Variants in RTCB observed in about 807,000 individuals in gnomAD.
RTCB encodes RNA 2',3'-cyclic phosphate and 5'-OH ligase, also known as RNA-splicing ligase RTCB.
In RTCB, 32 loss-of-function variants were observed where a neutral mutation model predicts 58.2. The observed-to-expected ratio is 0.55, with a 90% CI of 0.41 to 0.74. The LOEUF (loss-of-function observed/expected upper bound fraction) is 0.74, where lower values mean the gene tolerates loss of function less well. RTCB is among the 30% of genes least tolerant of loss of function. The pLI is 0.00. For missense variants in RTCB, 523 were observed against 639.0 expected, an observed-to-expected ratio of 0.82 and a Z score of 1.96; for synonymous variants, 247 against 218.6, an observed-to-expected ratio of 1.13 and a Z score of -1.15.
At chr22:32,408,678 T>C (rs2076044) in intron 2 of RTCB, 77 bp downstream of exon 2, 417,829 of 1,018,562 alleles carry the variant, frequency 0.41, 88,154 homozygotes, top group African/African-American at 0.53. Context: ...AGAATTATAA[T>C]TATTTGAGTT....
Position 32,401,895 on chromosome 22 carries a change from C to T in RTCB, c.349G>A (p.Gly117Arg), listed in dbSNP as rs770858359. ...CGGACACCACAGTTGATGTCAAACC[C>T]GACACCACCTACAAAATAGAGAAAA... is the stretch of plus-strand genomic sequence containing the variant. ...PEAVVSPGGV[G>R]FDINCGVRLL... is the part of the protein sequence containing the mutation. Residue 117 changes from glycine (G) to arginine (R), a missense_variant, in exon 5 of 12, where the codon GGG becomes AGG. Physicochemically the swap from Gly to Arg is moderately radical, Grantham distance 125 (BLOSUM62 -2). This residue lies in a region of RTCB where 141 missense variants were observed against 216.7 expected (regional missense o/e 0.65). Coordinates refer to ENST00000216038, the MANE Select transcript of RTCB (RefSeq NM_014306.5). 3 of 1,613,558 alleles carry T rather than the reference C, an allele frequency of 1.9e-6. No homozygotes were observed. The highest frequency in any genetic ancestry group is 3.3e-5 in the Admixed American group (2 of 59,984).
chr22:32,398,072 T>C lies in RTCB; in HGVS notation c.683A>G (p.Tyr228Cys), dbSNP rs534345258. The C allele has an allele frequency of 1.2e-6, 2 of 1,614,104 alleles. No homozygotes were observed. Among genetic ancestry groups the C allele is most frequent in the African/African-American group, 1.3e-5 (1 of 75,052 alleles). The stretch of plus-strand genomic sequence containing the variant: ...CTCATCCACAACCTGGATTTCTGCA[T>C]AATGGTTGCCTGCTCCCAGGGTCCC... ...QLGTLGAGNH[Y>C]AEIQVVDEIF... Residue 228 changes from tyrosine (Y) to cysteine (C), a missense_variant, in exon 7 of 12, where the codon TAT (tyrosine) becomes TGT (cysteine). By Grantham distance (194) the Tyr-to-Cys change is radical (BLOSUM62 -2). Transcript: ENST00000216038.
intron 2 of RTCB, 21 bp from the exon 3 acceptor site, chr22:32,408,263 T>C (rs1295413281): frequency 6.2e-7 from 1 of 1,605,132 alleles, no homozygotes; most frequent in Admixed American, 1.7e-5. Flanking sequence ...AAATTGGGTA[T>C]TAGAAAAGAC....
At chr22:32,411,966 C>G (rs938510087) in intron 1 of RTCB, 98 bp downstream of exon 1, 2 of 845,296 alleles carry the variant, frequency 2.4e-6, no homozygotes, top group East Asian at 5.4e-5. Context: ...GGGGCCGGGG[C>G]GGACCCAGTG....
At position 32,395,037 on chromosome 22, in the gene RTCB, CA is replaced by C; in HGVS notation, c.1167del (p.Val390LeufsTer30). Reference protein sequence around the residue: ...RAFPPHHPLIAVDYQLTGQPV... With the variant: ...RAFPPHHPLIXVDYQLTGQPV... The stretch of plus-strand genomic sequence containing the variant: ...GTAGAGCTACGTACTTGGTAATCAA[CA>C]GCAATGAGGGGATGGTGAGGAGGGA... On this transcript the variant is annotated frameshift_variant, in exon 9 of 12. Coordinates refer to ENST00000216038, the MANE Select transcript of RTCB (RefSeq NM_014306.5). LOFTEE classifies it high-confidence loss of function. 6.2e-7 allele frequency: 1 copy of C among 1,613,088 alleles called. No individual in the cohort carries two copies. Among genetic ancestry groups the C allele is most frequent in the East Asian group, 2.2e-5 (1 of 44,868 alleles).
rs1388704296 is a variant in RTCB, at chr22:32,399,768, G to A, written c.498-9C>T. 2 of 1,610,084 alleles carry A rather than the reference G, an allele frequency of 1.2e-6. No individual in the cohort carries two copies. The highest frequency in any genetic ancestry group is 2.7e-5 in the African/African-American group (2 of 74,792). ...AGGCCTCCTCCAAGTCTCTGGATAA[G>A]TATAAAAGGTGCTAGTCATCTCACA... On this transcript the variant is annotated splice_polypyrimidine_tract_variant and intron_variant, in intron 5 of 11. Transcript: ENST00000216038.
At chr22:32,401,425 G>C (rs1933334476) in intron 5 of RTCB, 1 of 186,722 alleles carries the variant, frequency 5.4e-6, no homozygotes, top group South Asian at 1.8e-4. Context: ...TTTCTTTCTT[G>C]TAAGTTAGGG....
intron 9 of RTCB, 42 bp downstream of exon 9, chr22:32,394,984 C>A: frequency 6.6e-7 from 1 of 1,512,138 alleles, no homozygotes; most frequent in Non-Finnish European, 9.0e-7. Flanking sequence ...CAATCTAAAT[C>A]GTGCCCCCAC....
At chr22:32,393,077 C>A (rs1933182771) in intron 10 of RTCB, among the ~76,000 whole-genome samples, 2 of 152,212 alleles carry the variant, frequency 1.3e-5, no homozygotes, top group South Asian at 4.1e-4. Context: ...GCTATGACTA[C>A]AGGTGTGCCA....
chr22:32,410,615 G>A (rs1217997426), intron 1 of RTCB, among the ~76,000 whole-genome samples: 1 of 152,180 alleles, frequency 6.6e-6, no homozygotes, highest in African/African-American at 2.4e-5. Context: ...GATAGAATGA[G>A]CAGCAGTGTG....
chr22:32,409,976 C>T (rs1239201519), intron 1 of RTCB, among the ~76,000 whole-genome samples: 1 of 152,044 alleles, frequency 6.6e-6, no homozygotes. Context: ...CGCCACCACG[C>T]CCAGCTAATT....
chr22:32,402,529 A>C (rs1314637384), intron 4 of RTCB, among the ~76,000 whole-genome samples: 1 of 152,042 alleles, frequency 6.6e-6, no homozygotes, highest in African/African-American at 2.4e-5. Context: ...GGCTCACTGC[A>C]ACCTCCGCCT....
Position 32,392,299 on chromosome 22 carries a change from T to C in RTCB, c.1351A>G (p.Lys451Glu). 1 of 1,614,154 alleles carries C rather than the reference T, an allele frequency of 6.2e-7. No homozygotes were observed. The highest frequency in any genetic ancestry group is 8.5e-7 in the Non-Finnish European group (1 of 1,179,998). ...RNLDFQDVLD[K>E]LADMGIAIRV... ...ATCGCAATTCCCATATCTGCCAATT[T>C]GTCTAAGACATCCTGGAAATCTAAA... is the stretch of plus-strand genomic sequence containing the variant. The change falls in exon 11 of 12, where the codon AAA becomes GAA. Residue 451 changes from lysine to glutamate, a missense_variant. Transcript: ENST00000216038.
At chr22:32,401,037 A>G (rs1933327323) in intron 5 of RTCB, among the ~76,000 whole-genome samples, 1 of 152,014 alleles carries the variant, frequency 6.6e-6, no homozygotes, top group African/African-American at 2.4e-5. Flanking sequence ...GATTCAGAAT[A>G]CAGCTTCTGA....
chr22:32,393,834 TG>T, intron 10 of RTCB, 57 bp downstream of exon 10: 1 of 1,223,402 alleles, frequency 8.2e-7, no homozygotes, highest in Admixed American at 1.7e-5. Flanking sequence ...CCAGTCAAAA[TG>T]GAAAACCATA....
intron 11 of RTCB, among the ~76,000 whole-genome samples, chr22:32,390,611 G>A (rs949426605): frequency 6.6e-6 from 1 of 152,092 alleles, no homozygotes; most frequent in African/African-American, 2.4e-5. Context: ...ACCACGCCCG[G>A]CTAATTTTTT....
intron 6 of RTCB, 94 bp downstream of exon 6, chr22:32,399,507 AAT>A (rs1184485735): frequency 8.6e-7 from 1 of 1,160,582 alleles, no homozygotes; most frequent in African/African-American, 1.6e-5. Context: ...AAAACCTGGG[AAT>A]ATGTTTGCTA....
intron 7 of RTCB, among the ~76,000 whole-genome samples, chr22:32,397,363 C>T (rs941488938): frequency 2.6e-5 from 4 of 152,242 alleles, no homozygotes; most frequent in Non-Finnish European, 5.9e-5. Context: ...CAGCTCAACA[C>T]TGGGTCCATG....
intron 4 of RTCB, among the ~76,000 whole-genome samples, chr22:32,405,755 T>C (rs1341333279): frequency 6.6e-6 from 1 of 152,230 alleles, no homozygotes; most frequent in East Asian, 1.9e-4. Context: ...GGGATTGGTC[T>C]GAAACAACCT....
Sources: allele counts gnomAD v4.1 joint callset (sites outside exome capture counted in the v4.1 genomes callset), GRCh38; gene constraint gnomAD v4.1.1; regional missense constraint gnomAD v4.1.1; transcripts MANE v1.5; gene names NCBI Gene and HGNC (gene_info 2026-07-23, HGNC 2026-07-21).